RNF144B: variants seen among roughly 807,000 people sequenced by gnomAD.
The protein encoded by RNF144B is ring finger protein 144B, also known as E3 ubiquitin-protein ligase RNF144B.
Under a neutral mutation model 40.2 loss-of-function variants are expected in RNF144B, and 25 were observed. That is an observed-to-expected ratio of 0.62 (90% CI 0.45 to 0.87). The LOEUF is 0.87. RNF144B is among the 40% of genes least tolerant of loss of function. RNF144B has a pLI of 0.00. For synonymous variants in RNF144B, 145 were observed against 136.3 expected (o/e 1.06, Z -0.44); for missense variants, 365 against 373.7 (o/e 0.98, Z 0.19).
chr6:18,389,665 T>C (rs1794543261), intron 1 of RNF144B, among the ~76,000 whole-genome samples: 1 of 152,182 alleles, frequency 6.6e-6, no homozygotes, highest in African/African-American at 2.4e-5. Flanking sequence ...GGAATCATGC[T>C]GAACCCAGAT....
chr6:18,407,091 A>T (rs6911975), intron 2 of RNF144B, among the ~76,000 whole-genome samples: 97,823 of 151,868 alleles, frequency 0.64, 31,775 homozygotes, highest in Non-Finnish European at 0.69. Flanking sequence ...GGGGGTTATA[A>T]TTCAAGATGA....
At chr6:18,411,023 T>C (rs1582409096) in intron 2 of RNF144B, among the ~76,000 whole-genome samples, 1 of 151,220 alleles carries the variant, frequency 6.6e-6, no homozygotes. Flanking sequence ...TCTCATTCTG[T>C]TGCCAGGCTG....
chr6:18,443,449 TG>T lies in RNF144B; in HGVS notation c.331+3709del, dbSNP rs1475472937. 6.6e-6 allele frequency among the ~76,000 whole-genome samples: 1 copy of T among 151,740 alleles called. No homozygotes were observed. Among genetic ancestry groups the T allele is most frequent in the Non-Finnish European group, 1.5e-5 (1 of 67,940 alleles). ...GGCTAATTTCATATTTTAGTAGAGA[TG>T]GGGTTTCGACATGTTGGTCAGGCTG... On this transcript the variant is annotated intron_variant, in intron 4 of 7. Transcript: ENST00000259939. This position sits in a 1 kb window ranked among gnomAD's most constrained non-coding sequence, Gnocchi z 4.7.
chr6:18,423,409 C>A (rs1758480668), intron 2 of RNF144B, among the ~76,000 whole-genome samples: 1 of 152,124 alleles, frequency 6.6e-6, no homozygotes, highest in Admixed American at 6.5e-5. Flanking sequence ...GAATGAGGAA[C>A]TATATAGTAC....
intron 1 of RNF144B, among the ~76,000 whole-genome samples, chr6:18,389,656 G>A (rs994786445): frequency 4.6e-5 from 7 of 152,260 alleles, no homozygotes; most frequent in Non-Finnish European, 7.4e-5. Context: ...TAGAGGTCAG[G>A]AATCATGCTG....
chr6:18,428,094 A>G (rs1758605805), intron 3 of RNF144B, among the ~76,000 whole-genome samples: 1 of 152,036 alleles, frequency 6.6e-6, no homozygotes, highest in Non-Finnish European at 1.5e-5. Flanking sequence ...TGTTCTCGTG[A>G]TAGTGCGTTC....
intron 2 of RNF144B, among the ~76,000 whole-genome samples, chr6:18,411,491 ATATATAT>A (rs1255716799): frequency 2.3e-4 from 5 of 21,788 alleles, no homozygotes; most frequent in Admixed American, 2.1e-3. Context: ...ATATATATAT[ATATATAT>A]TTTTTTTTTT....
intron 1 of RNF144B, among the ~76,000 whole-genome samples, chr6:18,392,015 T>G (rs1271300059): frequency 8.3e-6 from 1 of 120,456 alleles, no homozygotes; most frequent in South Asian, 2.7e-4. Context: ...CTGGCTAACA[T>G]GGTGAAACCC....
At position 18,456,904 on chromosome 6, in the gene RNF144B, A is replaced by G. The variant is rs969047765; in HGVS notation, c.332-251A>G. Among the ~76,000 whole-genome samples, 1 of 152,182 alleles carries G rather than the reference A, an allele frequency of 6.6e-6. No individual in the cohort carries two copies. The highest frequency in any genetic ancestry group is 1.9e-4 in the East Asian group (1 of 5,190). On this transcript the variant is annotated intron_variant, in intron 4 of 7. Transcript: ENST00000259939. The surrounding 1 kb of genome is among the most constrained non-coding windows in gnomAD (Gnocchi z 4.7). Reference sequence around the variant, plus strand: ...AAGGTGAAACCTGTCTCTACTAAAAATACAAAAATGAGCCAGGCGTGATGG... The same window carrying G: ...AAGGTGAAACCTGTCTCTACTAAAAGTACAAAAATGAGCCAGGCGTGATGG...
chr6:18,457,061 C>A lies in RNF144B; in HGVS notation c.332-94C>A. 9.4e-7 allele frequency: 1 copy of A among 1,061,440 alleles called. No homozygotes were observed. The highest frequency in any genetic ancestry group is 1.3e-5 in the South Asian group (1 of 78,052). The allele number at this position is 1,061,440 out of a possible 1,614,324, so 65.8% of individuals were successfully genotyped here. On this transcript the variant is annotated intron_variant, in intron 4 of 7. Transcript: ENST00000259939. The surrounding 1 kb of genome is among the most constrained non-coding windows in gnomAD (Gnocchi z 5.1). The stretch of plus-strand genomic sequence containing the variant: ...GGGCGACAGAGTGAGACTCTGGTTC[C>A]AAATAAATTAAATAAATAAGAGGGC...
chr6:18,404,182 G>T (rs1794847895), intron 2 of RNF144B, among the ~76,000 whole-genome samples: 1 of 152,250 alleles, frequency 6.6e-6, no homozygotes, highest in Non-Finnish European at 1.5e-5. Context: ...AATGAAGCAT[G>T]AATCTGTGGT....
At chr6:18,408,892 T>C (rs1794969694) in intron 2 of RNF144B, among the ~76,000 whole-genome samples, 1 of 152,054 alleles carries the variant, frequency 6.6e-6, no homozygotes, top group South Asian at 2.1e-4. Context: ...CCGTGAATTA[T>C]TATTTTTCTT....
rs1293605364 is a variant in RNF144B, at chr6:18,457,467, AT to A, written c.536+112del. On this transcript the variant is annotated intron_variant, in intron 5 of 7. Transcript: ENST00000259939. This position sits in a 1 kb window ranked among gnomAD's most constrained non-coding sequence, Gnocchi z 5.1. Reference sequence around the variant, plus strand: ...TTGTGATGGCGTTTAGAGATTGGTTATTTTCCTGCAGAACTTCCCTGAGAAG... The same window carrying A: ...TTGTGATGGCGTTTAGAGATTGGTTATTTCCTGCAGAACTTCCCTGAGAAG... 4 of 848,696 alleles carry A rather than the reference AT, an allele frequency of 4.7e-6. No homozygotes were observed. The African/African-American group carries it at 6.7e-5, about 14-fold the overall frequency. The allele number at this position is 848,696 out of a possible 1,614,324, so 52.6% of individuals were successfully genotyped here.
intron 2 of RNF144B, among the ~76,000 whole-genome samples, chr6:18,402,994 C>G (rs1352429982): frequency 6.6e-6 from 1 of 152,148 alleles, no homozygotes; most frequent in Admixed American, 6.5e-5. Flanking sequence ...AGGTTGATGT[C>G]TTGGGGTTAC....
chr6:18,450,255 C>G lies in RNF144B; in HGVS notation c.332-6900C>G, dbSNP rs526456. The stretch of plus-strand genomic sequence containing the variant: ...CTGTGTTTAATGAGGTGTTGGTAAA[C>G]AGTCTTTGGCGGGATGAGGGGAACA... On this transcript the variant is annotated intron_variant, in intron 4 of 7. Transcript: ENST00000259939. This position sits in a 1 kb window ranked among gnomAD's most constrained non-coding sequence, Gnocchi z 4.7. 0.22 allele frequency among the ~76,000 whole-genome samples: 32,918 copies of G among 151,148 alleles called. 3,578 individuals are homozygous for G. Among genetic ancestry groups the G allele is most frequent in the Admixed American group, 0.26 (3,906 of 15,188 alleles).
chr6:18,426,489 A>T (rs1195581909), intron 2 of RNF144B, among the ~76,000 whole-genome samples: 1 of 152,222 alleles, frequency 6.6e-6, no homozygotes, highest in Non-Finnish European at 1.5e-5. Context: ...ACAGGTTTCC[A>T]TAAAGCTATC....
intron 2 of RNF144B, among the ~76,000 whole-genome samples, chr6:18,426,452 G>A (rs1219050882): frequency 6.6e-6 from 1 of 152,160 alleles, no homozygotes; most frequent in Admixed American, 6.6e-5. Flanking sequence ...TTGTGCAGTT[G>A]CATAGAGAGG....
At chr6:18,399,353 T>G (rs1468880324) in intron 1 of RNF144B, 146 bp from the exon 2 acceptor site, 1 of 603,670 alleles carries the variant, frequency 1.7e-6, no homozygotes, top group Non-Finnish European at 2.9e-6. Context: ...TGAACCACTC[T>G]CTAGCCCGTC....
chr6:18,438,447 A>C (rs565744249), intron 3 of RNF144B, among the ~76,000 whole-genome samples: 1 of 152,142 alleles, frequency 6.6e-6, no homozygotes, highest in South Asian at 2.1e-4. Flanking sequence ...GAGAAAGAAA[A>C]TTTGGATAAA....
Sources: gnomAD v4.1 joint callset for allele counts (sites outside exome capture counted in the v4.1 genomes callset) on GRCh38, gnomAD v4.1.1 for gene constraint, Gnocchi (gnomAD v3.1) non-coding constraint, MANE v1.5 for transcripts, NCBI Gene and HGNC (gene_info 2026-07-23, HGNC 2026-07-21) for gene names.